The following WDR7 variants were observed in gnomAD, a reference collection of about 807,000 sequenced individuals.
The protein encoded by WDR7 is WD repeat-containing protein 7.
A neutral mutation model predicts 169.4 loss-of-function variants in WDR7; 46 were observed. That is an observed-to-expected ratio of 0.27 (90% CI 0.21 to 0.35). The LOEUF is 0.35. Among genes scored for constraint, WDR7 ranks in the 10% least tolerant of loss-of-function variants. The pLI is 1.00. For missense variants in WDR7, 1,534 were observed against 1,859.3 expected, an observed-to-expected ratio of 0.83 and a Z score of 3.22; for synonymous variants, 612 against 666.8, an observed-to-expected ratio of 0.92 and a Z score of 1.27.
At chr18:56,696,631 G>A (rs78050329) in intron 12 of WDR7, 169 bp downstream of exon 12, 25,307 of 597,976 alleles carry the variant, frequency 0.042, 756 homozygotes, top group Non-Finnish European at 0.052. Context: ...CAAAGTTACG[G>A]CCACTAACTA....
intron 2 of WDR7, among the ~76,000 whole-genome samples, chr18:56,678,843 G>A (rs575874777): frequency 1.3e-5 from 2 of 152,306 alleles, no homozygotes; most frequent in Admixed American, 1.3e-4. Flanking sequence ...GATGGGCTTG[G>A]ACAAGATTCG....
chr18:56,791,751 C>T (rs1236811349), intron 19 of WDR7, among the ~76,000 whole-genome samples: 2 of 152,168 alleles, frequency 1.3e-5, no homozygotes, highest in African/African-American at 4.8e-5. Context: ...CCATCCCAAG[C>T]TTTTCCCATT....
Position 56,691,306 on chromosome 18 carries a change from A to G in WDR7, c.808A>G (p.Lys270Glu), listed in dbSNP as rs2025564917. 6.2e-7 allele frequency: 1 copy of G among 1,606,916 alleles called. No homozygotes were observed. Among genetic ancestry groups the G allele is most frequent in the Admixed American group, 1.7e-5 (1 of 57,368 alleles). The change falls in exon 8 of 28, where the codon AAA becomes GAA. Residue 270 changes from lysine to glutamate, a missense_variant. Coordinates refer to ENST00000254442, the MANE Select transcript of WDR7 (RefSeq NM_015285.3). Reference protein sequence around the residue: ...WTGGDFVSSDKVIIWTENGQS... With the variant: ...WTGGDFVSSDEVIIWTENGQS... ...CGGGGGGGACTTTGTCTCATCAGAT[A>G]AAGTCATCATTTGGACAGAAAATGG...
Position 56,712,108 on chromosome 18 carries a change from T to C in WDR7, c.1579-5856T>C, listed in dbSNP as rs370246627. Among the ~76,000 whole-genome samples, 40 of 152,306 alleles carry C rather than the reference T, an allele frequency of 2.6e-4. No individual in the cohort carries two copies. The South Asian group carries it at 3.5e-3, about 13-fold the overall frequency. On this transcript the variant is annotated intron_variant, in intron 12 of 27. Coordinates refer to ENST00000254442, the MANE Select transcript of WDR7 (RefSeq NM_015285.3). Reference sequence around the variant, plus strand: ...AGTAATTTAGTTTAGAAAAACAAATTAGCAAAAATAGAAAATAAAAAATAT... The same window carrying C: ...AGTAATTTAGTTTAGAAAAACAAATCAGCAAAAATAGAAAATAAAAAATAT...
intron 20 of WDR7, among the ~76,000 whole-genome samples, chr18:56,857,938 A>G (rs955697428): frequency 2.0e-5 from 3 of 152,074 alleles, no homozygotes; most frequent in Non-Finnish European, 4.4e-5. Context: ...ACAGTTTGGT[A>G]CATGACTAGG....
At chr18:56,657,777 CA>C (rs1288163216) in intron 1 of WDR7, among the ~76,000 whole-genome samples, 3 of 152,216 alleles carry the variant, frequency 2.0e-5, no homozygotes, top group Non-Finnish European at 4.4e-5. Context: ...AATCCTACAT[CA>C]TGACTGCATT....
chr18:56,964,428 A>G (rs2047378964), intron 26 of WDR7, among the ~76,000 whole-genome samples: 1 of 151,930 alleles, frequency 6.6e-6, no homozygotes, highest in South Asian at 2.1e-4. Flanking sequence ...TAGAGTACAG[A>G]AGGTGTGATC....
rs536133750 is a variant in WDR7 at position 56,892,845 on chromosome 18, ATAGTTT to A, written c.3526+12687_3526+12692del. 2.5e-3 allele frequency among the ~76,000 whole-genome samples: 376 copies of A among 152,134 alleles called. 2 individuals are homozygous for A. Among genetic ancestry groups the A allele is most frequent in the African/African-American group, 8.5e-3 (354 of 41,520 alleles). On this transcript the variant is annotated intron_variant, in intron 21 of 27. Coordinates refer to ENST00000254442, the MANE Select transcript of WDR7 (RefSeq NM_015285.3). ...TAACATCCGTGGTAGTAACATTTAG[ATAGTTT>A]TAGTTTAGTTTAGATGAGATTACAT...
intron 19 of WDR7, among the ~76,000 whole-genome samples, chr18:56,784,230 T>C (rs1385445367): frequency 1.3e-5 from 2 of 152,204 alleles, no homozygotes; most frequent in Non-Finnish European, 2.9e-5. Flanking sequence ...AACTTATTCT[T>C]GTAACCACTA....
At chr18:56,806,904 GCTTTA>G (rs1200111355) in intron 19 of WDR7, among the ~76,000 whole-genome samples, 2 of 152,010 alleles carry the variant, frequency 1.3e-5, no homozygotes, top group Non-Finnish European at 2.9e-5. Context: ...TTAATGGCTT[GCTTTA>G]CTTATATTGG....
At chr18:56,841,544 TAAA>T (rs760187510) in intron 20 of WDR7, among the ~76,000 whole-genome samples, 2 of 121,074 alleles carry the variant, frequency 1.7e-5, no homozygotes, top group Non-Finnish European at 3.5e-5. Flanking sequence ...AGACTCTGTC[TAAA>T]AAAAAAAAAA....
intron 19 of WDR7, among the ~76,000 whole-genome samples, chr18:56,811,664 G>A (rs750272786): frequency 6.6e-6 from 1 of 151,938 alleles, no homozygotes; most frequent in African/African-American, 2.4e-5. Context: ...TATAAATTAT[G>A]AGCCTTAGAT....
chr18:56,924,862 G>A (rs1257224839), intron 22 of WDR7, among the ~76,000 whole-genome samples: 1 of 152,156 alleles, frequency 6.6e-6, no homozygotes, highest in Non-Finnish European at 1.5e-5. Flanking sequence ...ACAGTGTTGT[G>A]CAACTGTTAC....
At chr18:56,835,011 A>G (rs1465758270) in intron 20 of WDR7, among the ~76,000 whole-genome samples, 1 of 152,176 alleles carries the variant, frequency 6.6e-6, no homozygotes, top group Non-Finnish European at 1.5e-5. Context: ...CTTCTGCAGC[A>G]CAAGGGTAGG....
chr18:56,915,978 A>G (rs1319384440), intron 21 of WDR7, among the ~76,000 whole-genome samples: 1 of 151,930 alleles, frequency 6.6e-6, no homozygotes, highest in African/African-American at 2.4e-5. Context: ...TCAGTAATCC[A>G]CTGCCTGTCA....
intron 21 of WDR7, among the ~76,000 whole-genome samples, chr18:56,921,281 C>T (rs906923228): frequency 1.3e-5 from 2 of 152,176 alleles, no homozygotes; most frequent in Admixed American, 6.5e-5. Flanking sequence ...AAACAGCTCC[C>T]TGAAAAACAG....
intron 26 of WDR7, among the ~76,000 whole-genome samples, chr18:56,985,433 G>A (rs2047699746): frequency 6.6e-6 from 1 of 152,000 alleles, no homozygotes; most frequent in South Asian, 2.1e-4. Context: ...TTGTTACTGT[G>A]GTATATATTT....
At chr18:56,832,746 G>A (rs1038558745) in intron 20 of WDR7, among the ~76,000 whole-genome samples, 11 of 152,246 alleles carry the variant, frequency 7.2e-5, no homozygotes, top group African/African-American at 2.4e-4. Context: ...TACAGAAGAG[G>A]GGCCTGTTAA....
In WDR7 at chr18:56,879,945, T is replaced by C. The variant is rs2046081658; in HGVS notation, c.3306T>C (p.Gly1102=). ...HDLVDDDITT[G]CLSSVPQMKK... ...GAGATTCTATGTTTTGGTCTTCAGG[T>C]TGCTTATCAAGTGTCCCACAAATGA... The change falls in exon 21 of 28, where the codon GGT becomes GGC. Residue 1102 remains glycine (G), a splice_region_variant and synonymous_variant. Transcript: ENST00000254442. 6.2e-7 allele frequency: 1 copy of C among 1,611,662 alleles called. No homozygotes were observed. Among genetic ancestry groups the C allele is most frequent in the Admixed American group, 1.7e-5 (1 of 59,838 alleles).
Sources: allele counts gnomAD v4.1 joint callset (sites outside exome capture counted in the v4.1 genomes callset), GRCh38; gene constraint gnomAD v4.1.1; transcripts MANE v1.5; gene names NCBI Gene and HGNC (gene_info 2026-07-23, HGNC 2026-07-21).